RNF19A: variants seen among roughly 807,000 people sequenced by gnomAD.
The protein encoded by RNF19A is E3 ubiquitin-protein ligase RNF19A.
In RNF19A, 32 loss-of-function variants were observed where a neutral mutation model predicts 75.7. That is an observed-to-expected ratio of 0.42 (90% CI 0.32 to 0.57). The LOEUF is 0.57. Among genes scored for constraint, RNF19A ranks in the 20% least tolerant of loss-of-function variants. The pLI, the probability that RNF19A is intolerant of heterozygous loss-of-function variation, is 0.10. For synonymous variants in RNF19A, 335 were observed against 345.2 expected (o/e 0.97, Z 0.33); for missense variants, 782 against 1,036.3 (o/e 0.75, Z 3.37).
In RNF19A at chr8:100,329,903, T is replaced by G. The variant is rs1822588280; in HGVS notation, c.-243+6205A>C. Among the ~76,000 whole-genome samples, 1 of 152,228 alleles carries G rather than the reference T, an allele frequency of 6.6e-6. No homozygotes were observed. Among genetic ancestry groups the G allele is most frequent in the Non-Finnish European group, 1.5e-5 (1 of 68,038 alleles). On this transcript the variant is annotated intron_variant, in intron 1 of 3. Coordinates refer to the RNF19A transcript ENST00000519527. This position sits in a 1 kb window ranked among gnomAD's most constrained non-coding sequence, Gnocchi z 4.3. ...TATTTTCTCATGTATCCCATACATTTGCACAAATGAAAAATTTAAATACTT... is the reference window on the plus strand; with the variant it reads ...TATTTTCTCATGTATCCCATACATTGGCACAAATGAAAAATTTAAATACTT...
In RNF19A at chr8:100,328,974, T is replaced by C. The variant is rs1822576245; in HGVS notation, c.-243+7134A>G. Among the ~76,000 whole-genome samples, 2 of 152,162 alleles carry C rather than the reference T, an allele frequency of 1.3e-5. 1 individual carries two copies. Among genetic ancestry groups the C allele is most frequent in the South Asian group, 4.1e-4 (2 of 4,834 alleles). On this transcript the variant is annotated intron_variant, in intron 1 of 3. Coordinates refer to the RNF19A transcript ENST00000519527. ...AAGGATACCGAGGTGGATCTAGGAA[T>C]CTGGGTCTTGCGCAGGTTTATCAGT...
chr8:100,258,833 G>C lies in RNF19A; in HGVS notation c.2240C>G (p.Ser747Cys). ...AGCAAAGCGGGTGTGATAATCACTG[G>C]AACCATGACTACAAGAAGTTTTCAT... ...ESMKTSCSHG[S>C]SDYHTRFATV... Residue 747 changes from serine to cysteine, a missense_variant, in exon 10 of 10, where the codon TCC (serine) becomes TGC (cysteine). Physicochemically the swap from Ser to Cys is moderately radical, Grantham distance 112 (BLOSUM62 -1). Transcript: ENST00000341084. The surrounding 1 kb of genome is among the most constrained non-coding windows in gnomAD (Gnocchi z 4.3). The C allele has an allele frequency of 6.2e-7, 1 of 1,614,128 alleles. No homozygotes were observed. The highest frequency in any genetic ancestry group is 2.2e-5 in the East Asian group (1 of 44,884).
At chr8:100,303,594 T>C (rs1024168058) in intron 1 of RNF19A, among the ~76,000 whole-genome samples, 2 of 152,092 alleles carry the variant, frequency 1.3e-5, no homozygotes, top group African/African-American at 4.8e-5. Flanking sequence ...TGCTAAATTA[T>C]GCAAAAATCT....
intron 1 of RNF19A, among the ~76,000 whole-genome samples, chr8:100,327,245 C>CTTTTTTTTTTTT (rs71303441): frequency 7.9e-5 from 6 of 75,836 alleles, no homozygotes; most frequent in African/African-American, 1.1e-4. Context: ...GCAATTACTT[C>CTTTTTTTTTTTT]TTTTTTTTTT....
rs187385723 is a variant in RNF19A, at chr8:100,277,143, A to G, written c.675-1982T>C. On this transcript the variant is annotated intron_variant, in intron 2 of 9. Transcript: ENST00000341084. ...CAATGCATGTCTTTTGTAAATACTA[A>G]ACATTTCCTTTTGCCTGGAAATTTA... is the stretch of plus-strand genomic sequence containing the variant. 5.9e-5 allele frequency among the ~76,000 whole-genome samples: 9 copies of G among 152,348 alleles called. No individual in the cohort carries two copies. The East Asian group carries it at 1.7e-3, about 29-fold the overall frequency.
Position 100,268,938 on chromosome 8 carries a change from T to A in RNF19A, c.1038A>T (p.Gly346=), listed in dbSNP as rs1260349860. The change falls in exon 5 of 10, where the codon GGA becomes GGT. Residue 346 remains glycine, a synonymous_variant. Coordinates refer to ENST00000341084, the MANE Select transcript of RNF19A (RefSeq NM_183419.4). ...AGGGTTTCTTCCCCCAAAAAGTACA[T>A]CCTGATGGACTAACGGAAAAAATTA... The part of the protein sequence containing the change: ...ISDLHYLSPS[G]CTFWGKKPWS... The A allele has an allele frequency of 6.3e-7, 1 of 1,582,900 alleles. No homozygotes were observed. The highest frequency in any genetic ancestry group is 1.4e-5 in the African/African-American group (1 of 73,592).
At chr8:100,280,984 T>C (rs1820755912) in intron 2 of RNF19A, among the ~76,000 whole-genome samples, 1 of 152,198 alleles carries the variant, frequency 6.6e-6, no homozygotes, top group African/African-American at 2.4e-5. Flanking sequence ...ATAAGTGTTA[T>C]TTGGAAAAAG....
At chr8:100,328,103 A>G (rs117207634) in intron 1 of RNF19A, among the ~76,000 whole-genome samples, 2,049 of 152,262 alleles carry the variant, frequency 0.013, 18 homozygotes, top group Middle Eastern at 0.027. Context: ...GGCAGGTGGT[A>G]TCTACATCCC....
chr8:100,288,284 A>T lies in RNF19A; in HGVS notation c.-93-17T>A, dbSNP rs1821127581. ...ATGGATGTTCTGAAAAATAAAAAAT[A>T]AAAAAATCAAGATCATTTAATTGTA... On this transcript the variant is annotated splice_polypyrimidine_tract_variant and intron_variant, in intron 1 of 9. Transcript: ENST00000341084. The T allele has an allele frequency of 2.3e-6, 3 of 1,305,048 alleles. No individual in the cohort carries two copies. Among genetic ancestry groups the T allele is most frequent in the East Asian group, 2.7e-5 (1 of 37,154 alleles). The allele number at this position is 1,305,048 out of a possible 1,614,324, so 80.8% of individuals were successfully genotyped here.
Position 100,329,428 on chromosome 8 carries a change from A to AAAAAC in RNF19A, c.-243+6675_-243+6679dup, listed in dbSNP as rs761325399. ...TGAGTGAGTTGTGATACAGTGCTGC[A>AAAAAC]AAAACAAAACAAAACAAAACAAACA... On this transcript the variant is annotated intron_variant, in intron 1 of 3. Transcript: ENST00000519527. This position sits in a 1 kb window ranked among gnomAD's most constrained non-coding sequence, Gnocchi z 4.3. 1.1e-3 allele frequency among the ~76,000 whole-genome samples: 162 copies of AAAAAC among 152,288 alleles called. No homozygotes were observed. Among genetic ancestry groups the AAAAAC allele is most frequent in the African/African-American group, 3.6e-3 (149 of 41,542 alleles).
chr8:100,309,026 G>T (rs1296871463), intron 1 of RNF19A, among the ~76,000 whole-genome samples: 2 of 152,116 alleles, frequency 1.3e-5, no homozygotes, highest in African/African-American at 4.8e-5. Context: ...CTTGTCGCGG[G>T]GTTAATGAAC....
At chr8:100,312,953 T>C (rs1004903206), upstream of RNF19A, among the ~76,000 whole-genome samples, 11 of 143,690 alleles carry the variant, frequency 7.7e-5, no homozygotes, top group Middle Eastern at 6.9e-3. Context: ...ACAACAAAAA[T>C]AAATACATAA....
intron 2 of RNF19A, among the ~76,000 whole-genome samples, chr8:100,282,410 A>G (rs1176068341): frequency 6.6e-6 from 1 of 152,198 alleles, no homozygotes; most frequent in African/African-American, 2.4e-5. Context: ...AACTACCCAC[A>G]TAGTATATTT....
chr8:100,277,381 G>T (rs933278985), intron 2 of RNF19A, among the ~76,000 whole-genome samples: 18 of 151,794 alleles, frequency 1.2e-4, no homozygotes, highest in Admixed American at 1.2e-3. Context: ...GCGCGATCTC[G>T]GCTCACTGCA....
chr8:100,312,432 C>CA (rs1822313840), upstream of RNF19A: 1 of 152,260 alleles, frequency 6.6e-6, no homozygotes, highest in Non-Finnish European at 1.5e-5. Context: ...GGCGAAAATA[C>CA]AAAAATTAGC....
intron 1 of RNF19A, among the ~76,000 whole-genome samples, chr8:100,292,435 G>GGGGGTGTGT (rs137938989): frequency 2.8e-5 from 4 of 145,332 alleles, no homozygotes; most frequent in Admixed American, 1.4e-4. Flanking sequence ...CTATCATATG[G>GGGGGTGTGT]GTGTGTGTGT....
rs1238095148 is a variant in RNF19A at position 100,322,298 on chromosome 8, A to C, written c.-242-8926T>G. ...CTGGATAATTTGCTGCCGCTTCTAC[A>C]TCAGCACTTCCTGCTTCACCTTGTA... On this transcript the variant is annotated intron_variant, in intron 1 of 3. Coordinates refer to the RNF19A transcript ENST00000519527. This position sits in a 1 kb window ranked among gnomAD's most constrained non-coding sequence, Gnocchi z 5.1. 1.3e-5 allele frequency among the ~76,000 whole-genome samples: 2 copies of C among 152,260 alleles called. No individual in the cohort carries two copies. Among genetic ancestry groups the C allele is most frequent in the Non-Finnish European group, 2.9e-5 (2 of 68,050 alleles).
At chr8:100,277,308 T>C (rs956613247) in intron 2 of RNF19A, among the ~76,000 whole-genome samples, 1 of 152,152 alleles carries the variant, frequency 6.6e-6, no homozygotes, top group Non-Finnish European at 1.5e-5. Context: ...GTTGATCCCT[T>C]AGTATCACAC....
At chr8:100,294,504 T>C (rs1821456582) in intron 1 of RNF19A, among the ~76,000 whole-genome samples, 1 of 152,190 alleles carries the variant, frequency 6.6e-6, no homozygotes, top group African/African-American at 2.4e-5. Flanking sequence ...GAAGGGAGTT[T>C]ACCCACAGAT....
Sources: gnomAD v4.1 joint callset for allele counts (sites outside exome capture counted in the v4.1 genomes callset) on GRCh38, gnomAD v4.1.1 for gene constraint, Gnocchi (gnomAD v3.1) non-coding constraint, MANE v1.5 for transcripts, NCBI Gene and HGNC (gene_info 2026-07-23, HGNC 2026-07-21) for gene names.